PLCH1: variants seen among roughly 807,000 people sequenced by gnomAD.
The protein encoded by PLCH1 is phospholipase C eta 1, also known as 1-phosphatidylinositol 4,5-bisphosphate phosphodiesterase eta-1.
Under a neutral mutation model 126.7 loss-of-function variants are expected in PLCH1, and 60 were observed. The ratio of observed to expected loss-of-function variants is 0.47; its 90% confidence interval spans 0.38 to 0.59. The LOEUF (loss-of-function observed/expected upper bound fraction) is 0.59, where lower values mean the gene tolerates loss of function less well. Ranked by LOEUF, PLCH1 falls within the 20% of genes least tolerant of loss-of-function variation. The pLI is 0.00. For missense variants in PLCH1, 1,723 were observed against 2,040.0 expected (o/e 0.84, Z 2.99); for synonymous variants, 719 against 734.9 (o/e 0.98, Z 0.35).
intron 1 of PLCH1, among the ~76,000 whole-genome samples, chr3:155,707,373 T>C (rs947152073): frequency 6.6e-6 from 1 of 152,146 alleles, no homozygotes; most frequent in Non-Finnish European, 1.5e-5. Context: ...GTGCCTCACA[T>C]GTATTTTTGA....
At chr3:155,491,772 G>A (rs1317712327) in intron 18 of PLCH1, among the ~76,000 whole-genome samples, 3 of 152,110 alleles carry the variant, frequency 2.0e-5, no homozygotes, top group Admixed American at 6.5e-5. Context: ...GACTGGGAAG[G>A]TGGACAGGAG....
chr3:155,470,789 A>C (rs1243775449), intron 21 of PLCH1, among the ~76,000 whole-genome samples: 4 of 152,134 alleles, frequency 2.6e-5, no homozygotes, highest in Non-Finnish European at 5.9e-5. Context: ...CTTAAAGAAA[A>C]GAATTTTCAA....
chr3:155,575,936 G>C (rs2108562663), intron 6 of PLCH1, among the ~76,000 whole-genome samples: 1 of 152,226 alleles, frequency 6.6e-6, no homozygotes, highest in Admixed American at 6.5e-5. Flanking sequence ...GCAAACCACT[G>C]GGCCTGGCTA....
At chr3:155,635,348 T>C (rs180832558) in intron 2 of PLCH1, among the ~76,000 whole-genome samples, 8 of 152,260 alleles carry the variant, frequency 5.3e-5, no homozygotes, top group African/African-American at 1.9e-4. Flanking sequence ...CAGTAAACTT[T>C]CAAGGCTGAA....
At position 155,564,948 on chromosome 3, in the gene PLCH1, G is replaced by T; in HGVS notation, c.1036C>A (p.Arg346=). Residue 346 remains arginine, a synonymous_variant, in exon 8 of 23, where the codon CGG becomes AGG. Transcript: ENST00000460012. ...LSQSKVDMYA[R]VLQEGCRCVE... ...CAGCGACAGCCCTCTTGCAGCACCCGTGCATACATATCCACTTTGGACTGA... is the reference window on the plus strand; with the variant it reads ...CAGCGACAGCCCTCTTGCAGCACCCTTGCATACATATCCACTTTGGACTGA... 1 of 1,613,818 alleles carries T rather than the reference G, an allele frequency of 6.2e-7. No homozygotes were observed. The highest frequency in any genetic ancestry group is 8.5e-7 in the Non-Finnish European group (1 of 1,179,782).
intron 4 of PLCH1, among the ~76,000 whole-genome samples, chr3:155,586,722 G>C (rs753651557): frequency 6.6e-6 from 1 of 151,958 alleles, no homozygotes; most frequent in African/African-American, 2.4e-5. Context: ...AGGGGCGGGG[G>C]GTGGTTCCCT....
At chr3:155,735,167 A>T (rs1025633376) in intron 1 of PLCH1, among the ~76,000 whole-genome samples, 1 of 152,206 alleles carries the variant, frequency 6.6e-6, no homozygotes, top group Non-Finnish European at 1.5e-5. Flanking sequence ...AGTTGAACTC[A>T]TAGAAGGAAA....
intron 21 of PLCH1, among the ~76,000 whole-genome samples, chr3:155,471,832 A>C (rs1384552724): frequency 1.3e-5 from 2 of 152,150 alleles, no homozygotes; most frequent in Non-Finnish European, 2.9e-5. Flanking sequence ...TAACTACTGG[A>C]TACATAACGA....
intron 21 of PLCH1, among the ~76,000 whole-genome samples, chr3:155,486,548 C>T (rs1459105022): frequency 1.7e-4 from 22 of 130,388 alleles, no homozygotes; most frequent in South Asian, 4.9e-4. Flanking sequence ...GACGGAGTCT[C>T]GCTCTGTCGC....
chr3:155,482,672 G>A lies in PLCH1; in HGVS notation c.3354C>T (p.Ser1118=), dbSNP rs142805530. ...TTTCTAGGTTGCTATGAGAAAGGAC[G>A]CTTCCTGACAAGATGCTTTTCCCTT... ...FVEGKSILSG[S]VLSHSNLEIK... The change falls in exon 23 of 23, where the codon AGC becomes AGT. Residue 1118 remains serine (S), a synonymous_variant. Transcript: ENST00000460012. The A allele has an allele frequency of 6.4e-3, 10,400 of 1,614,142 alleles. 48 individuals carry two copies. Among genetic ancestry groups the A allele is most frequent in the Non-Finnish European group, 7.7e-3 (9,121 of 1,180,004 alleles).
intron 2 of PLCH1, among the ~76,000 whole-genome samples, chr3:155,662,378 G>C (rs1742268412): frequency 6.6e-6 from 1 of 152,066 alleles, no homozygotes; most frequent in African/African-American, 2.4e-5. Flanking sequence ...TGAAGTAGGA[G>C]AATAGTTTGA....
chr3:155,545,330 T>C (rs1200458903), intron 10 of PLCH1, among the ~76,000 whole-genome samples: 6 of 151,982 alleles, frequency 3.9e-5, no homozygotes, highest in Non-Finnish European at 8.8e-5. Context: ...CTCCCAAGAC[T>C]AAACCAGGAA....
At chr3:155,633,578 G>A (rs1339948373) in intron 2 of PLCH1, among the ~76,000 whole-genome samples, 1 of 151,956 alleles carries the variant, frequency 6.6e-6, no homozygotes, top group Admixed American at 6.6e-5. Flanking sequence ...TTGGCAAGAG[G>A]TAAATGCTAA....
chr3:155,569,600 G>A (rs1577037572), intron 6 of PLCH1, among the ~76,000 whole-genome samples: 1 of 152,236 alleles, frequency 6.6e-6, no homozygotes, highest in Non-Finnish European at 1.5e-5. Context: ...GAACTCTACT[G>A]ACCCAGGCAG....
At chr3:155,492,883 A>C in intron 17 of PLCH1, 30 bp from the exon 18 acceptor site, 1 of 1,545,870 alleles carries the variant, frequency 6.5e-7, no homozygotes, top group South Asian at 1.3e-5. Context: ...AGTTGGTAAC[A>C]TAAGAAGAAA....
In PLCH1 at chr3:155,482,759, G is replaced by T; in HGVS notation, c.3267C>A (p.Asn1089Lys). Residue 1089 changes from asparagine to lysine, a missense_variant, in exon 23 of 23, where the codon AAC (asparagine) becomes AAA (lysine). By Grantham distance (94) the Asn-to-Lys change is moderately conservative (BLOSUM62 0). This residue lies in a region of PLCH1 where 947 missense variants were observed against 977.1 expected (regional missense o/e 0.97). Coordinates refer to ENST00000460012, the MANE Select transcript of PLCH1 (RefSeq NM_014996.4). The part of the protein sequence containing the change: ...KQHLAPDPVV[N>K]PTQDLHGVKI... ...TCACACCATGCAGATCTTGTGTGGG[G>T]TTAACTACAGGATCGGGAGCCAAAT... 1 of 1,614,158 alleles carries T rather than the reference G, an allele frequency of 6.2e-7. No homozygotes were observed. Among genetic ancestry groups the T allele is most frequent in the Non-Finnish European group, 8.5e-7 (1 of 1,180,018 alleles).
intron 10 of PLCH1, among the ~76,000 whole-genome samples, chr3:155,526,817 T>C (rs1372354346): frequency 6.6e-6 from 1 of 152,180 alleles, no homozygotes; most frequent in Non-Finnish European, 1.5e-5. Flanking sequence ...CTGTCAAATG[T>C]TGGGGTAATT....
chr3:155,551,535 C>T (rs897736812), intron 9 of PLCH1, among the ~76,000 whole-genome samples: 9 of 139,664 alleles, frequency 6.4e-5, no homozygotes, highest in Admixed American at 3.0e-4. Context: ...CAACAGGGAA[C>T]GAGGCAATTA....
At chr3:155,512,821 C>T (rs1260038871) in intron 12 of PLCH1, among the ~76,000 whole-genome samples, 1 of 152,136 alleles carries the variant, frequency 6.6e-6, no homozygotes, top group Non-Finnish European at 1.5e-5. Context: ...AGTGACATGA[C>T]CAGATGCACA....
Sources: allele counts gnomAD v4.1 joint callset (sites outside exome capture counted in the v4.1 genomes callset), GRCh38; gene constraint gnomAD v4.1.1; regional missense constraint gnomAD v4.1.1; transcripts MANE v1.5; gene names NCBI Gene and HGNC (gene_info 2026-07-23, HGNC 2026-07-21).